SLC44A1: variants seen among roughly 807,000 people sequenced by gnomAD.
The protein encoded by SLC44A1 is choline transporter-like protein 1.
SLC44A1 carries 26 observed loss-of-function variants against 79.3 expected under a neutral mutation model. The observed-to-expected ratio is 0.33, with a 90% CI of 0.24 to 0.46. The LOEUF (loss-of-function observed/expected upper bound fraction) is 0.46, where lower values mean the gene tolerates loss of function less well. Ranked by LOEUF, SLC44A1 falls within the 20% of genes least tolerant of loss-of-function variation. The pLI, the probability that SLC44A1 is intolerant of heterozygous loss-of-function variation, is 1.00. For synonymous variants in SLC44A1, 263 were observed against 286.2 expected (o/e 0.92, Z 0.82); for missense variants, 688 against 798.1 (o/e 0.86, Z 1.66).
chr9:105,415,418 CTGCTGTATAAT>C lies in SLC44A1; in HGVS notation c.1951-22862_1951-22852del, dbSNP rs1237401605. On this transcript the variant is annotated intron_variant, in intron 15 of 15. Transcript: ENST00000374724. ...AAACCCCAACCCAGTCCAGAGGATT[CTGCTGTATAAT>C]AAACTTTGCTAACTATGGACACGCA... 4.5e-4 allele frequency among the ~76,000 whole-genome samples: 69 copies of C among 152,360 alleles called. 1 individual carries two copies. The highest frequency in any genetic ancestry group is 1.6e-3 in the African/African-American group (66 of 41,582).
rs371952170 is a variant in SLC44A1, at chr9:105,383,375, G to A, written c.1869+16G>A. On this transcript the variant is annotated intron_variant, in intron 14 of 15. Coordinates refer to ENST00000374720, the MANE Select transcript of SLC44A1 (RefSeq NM_080546.5). Reference sequence around the variant, plus strand: ...AGTGCTGATGGTAAGTACTTCAAATGCCGTTTCCTATTTTAGGGATAAAAA... The same window carrying A: ...AGTGCTGATGGTAAGTACTTCAAATACCGTTTCCTATTTTAGGGATAAAAA... 1.4e-5 allele frequency: 20 copies of A among 1,384,860 alleles called. No individual in the cohort carries two copies. Among genetic ancestry groups the A allele is most frequent in the East Asian group, 2.3e-5 (1 of 43,782 alleles). The allele number at this position is 1,384,860 out of a possible 1,614,324, so 85.8% of individuals were successfully genotyped here. A position where few individuals can be genotyped will look rare whatever the true frequency, so the allele number is the denominator to read the frequency against.
Position 105,393,557 on chromosome 9 carries a change from A to G in SLC44A1, c.*4501A>G. On this transcript the variant is annotated 3_prime_UTR_variant, in exon 16 of 16. Coordinates refer to ENST00000374720, the MANE Select transcript of SLC44A1 (RefSeq NM_080546.5). Reference sequence around the variant, plus strand: ...AAATCTTTGAAAATATCTTTCTTATAGAAAACTTTAATGCAGTTTTTAAAC... The same window carrying G: ...AAATCTTTGAAAATATCTTTCTTATGGAAAACTTTAATGCAGTTTTTAAAC... 1 of 924,310 alleles carries G rather than the reference A, an allele frequency of 1.1e-6. No homozygotes were observed. The highest frequency in any genetic ancestry group is 1.3e-6 in the Non-Finnish European group (1 of 774,358). 57.3% of individuals were successfully genotyped at this position (924,310 alleles called of 1,614,324 possible).
rs35765843 is a variant in SLC44A1 at position 105,392,956 on chromosome 9, TAAA to T, written c.*3908_*3910del. ...CTTTACTGCTTTTCTACTGCTACTT[TAAA>T]AAAAAAACAACAACAACAAATAAAA... On this transcript the variant is annotated 3_prime_UTR_variant, in exon 16 of 16. Coordinates refer to ENST00000374720, the MANE Select transcript of SLC44A1 (RefSeq NM_080546.5). 21,679 of 923,210 alleles carry T rather than the reference TAAA, an allele frequency of 0.023. 241 individuals are homozygous for T. Among genetic ancestry groups the T allele is most frequent in the Non-Finnish European group, 0.026 (20,210 of 775,524 alleles). The allele number at this position is 923,210 out of a possible 1,614,324, so 57.2% of individuals were successfully genotyped here. A position where few individuals can be genotyped will look rare whatever the true frequency, so the allele number is the denominator to read the frequency against.
At chr9:105,428,731 T>C (rs1001015958) in intron 15 of SLC44A1, among the ~76,000 whole-genome samples, 3 of 152,208 alleles carry the variant, frequency 2.0e-5, no homozygotes, top group African/African-American at 7.2e-5. Context: ...TGGAGTCTCG[T>C]TCCCATTGCG....
intron 1 of SLC44A1, among the ~76,000 whole-genome samples, chr9:105,298,135 T>G (rs1323345284): frequency 6.6e-6 from 1 of 152,034 alleles, no homozygotes; most frequent in Non-Finnish European, 1.5e-5. Flanking sequence ...CAGTTGGAAT[T>G]CCAGTCAATA....
At position 105,389,966 on chromosome 9, in the gene SLC44A1, T is replaced by C; in HGVS notation, c.*910T>C. ...ACATGGAACATAAAGCATTGAAAAT[T>C]CCGGTGCTTGGGCTTCGGCTTCAGA... is the stretch of plus-strand genomic sequence containing the variant. On this transcript the variant is annotated 3_prime_UTR_variant, in exon 16 of 16. Transcript: ENST00000374720. The C allele has an allele frequency of 6.8e-7, 1 of 1,476,710 alleles. No homozygotes were observed. Among genetic ancestry groups the C allele is most frequent in the South Asian group, 1.4e-5 (1 of 71,196 alleles). The allele number at this position is 1,476,710 out of a possible 1,614,324, so 91.5% of individuals were successfully genotyped here.
chr9:105,315,855 C>T (rs1430308209), intron 3 of SLC44A1, among the ~76,000 whole-genome samples: 1 of 152,172 alleles, frequency 6.6e-6, no homozygotes, highest in Non-Finnish European at 1.5e-5. Flanking sequence ...TTCTCTTCCT[C>T]GTGATGACTT....
Position 105,348,399 on chromosome 9 carries a change from A to T in SLC44A1, c.448A>T (p.Thr150Ser), listed in dbSNP as rs1827303642. ...CTACAACCTAAAGCCTTCTGAATAC[A>T]CTACATCTCCAAAATCTTCTGTTCT... ...CSYNLKPSEY[T>S]TSPKSSVLCP... Residue 150 changes from threonine (T) to serine (S), a missense_variant, in exon 5 of 16, where the codon ACT becomes TCT. Transcript: ENST00000374720. The T allele has an allele frequency of 2.5e-6, 4 of 1,612,212 alleles. No individual in the cohort carries two copies. The highest frequency in any genetic ancestry group is 1.3e-5 in the African/African-American group (1 of 74,990).
intron 1 of SLC44A1, among the ~76,000 whole-genome samples, chr9:105,285,401 C>T (rs1024801588): frequency 6.6e-6 from 1 of 152,148 alleles, no homozygotes; most frequent in African/African-American, 2.4e-5. Context: ...TAATAACATG[C>T]TATTCTTGGT....
At chr9:105,365,104 C>T (rs1292913525) in intron 10 of SLC44A1, among the ~76,000 whole-genome samples, 1 of 152,100 alleles carries the variant, frequency 6.6e-6, no homozygotes, top group African/African-American at 2.4e-5. Flanking sequence ...ACTTTAGAGC[C>T]AAATATGAAA....
At chr9:105,402,335 A>G (rs1290137776), downstream of SLC44A1, among the ~76,000 whole-genome samples, 2 of 152,210 alleles carry the variant, frequency 1.3e-5, no homozygotes, top group East Asian at 1.9e-4. Flanking sequence ...GAGAAATCCA[A>G]CAGGCTTGGT....
At chr9:105,406,055 T>A (rs1829025673) in intron 15 of SLC44A1, among the ~76,000 whole-genome samples, 1 of 152,146 alleles carries the variant, frequency 6.6e-6, no homozygotes, top group Non-Finnish European at 1.5e-5. Context: ...AGAGCAGAGT[T>A]GTAAACAGTC....
At chr9:105,259,227 T>C (rs972887679) in intron 1 of SLC44A1, among the ~76,000 whole-genome samples, 1 of 152,234 alleles carries the variant, frequency 6.6e-6, no homozygotes, top group African/African-American at 2.4e-5. Context: ...AGTTTACTAC[T>C]TGTTACTGTA....
intron 3 of SLC44A1, among the ~76,000 whole-genome samples, chr9:105,313,050 G>C (rs1367183285): frequency 6.6e-5 from 10 of 152,112 alleles, no homozygotes. Context: ...GTTCCTCAGT[G>C]TGATGTTCTT....
chr9:105,376,201 ACAGCTGATT>A (rs1439163356), intron 13 of SLC44A1, among the ~76,000 whole-genome samples: 2 of 152,046 alleles, frequency 1.3e-5, no homozygotes, highest in Non-Finnish European at 2.9e-5. Context: ...TCGGGTCTCT[ACAGCTGATT>A]CAGAATTCAC....
At chr9:105,398,980 C>T (rs924144421), downstream of SLC44A1, among the ~76,000 whole-genome samples, 3 of 152,152 alleles carry the variant, frequency 2.0e-5, no homozygotes, top group Admixed American at 1.3e-4. Flanking sequence ...AAAAAGTTTA[C>T]GAATTTGTGT....
chr9:105,284,389 C>G (rs547191192), intron 1 of SLC44A1, among the ~76,000 whole-genome samples: 11 of 152,192 alleles, frequency 7.2e-5, no homozygotes, highest in African/African-American at 2.6e-4. Flanking sequence ...CTTTCTGTAG[C>G]TGTGTTTATA....
intron 13 of SLC44A1, among the ~76,000 whole-genome samples, chr9:105,375,143 G>T (rs977042451): frequency 6.6e-6 from 1 of 152,222 alleles, no homozygotes; most frequent in Non-Finnish European, 1.5e-5. Context: ...CTGGGTTCAA[G>T]CAATTCTCCC....
intron 3 of SLC44A1, among the ~76,000 whole-genome samples, chr9:105,331,076 G>A (rs925687863): frequency 1.3e-5 from 2 of 152,048 alleles, no homozygotes; most frequent in Non-Finnish European, 1.5e-5. Context: ...CTCACTTTTG[G>A]TATTTTATTT....
Sources: gnomAD v4.1 joint callset for allele counts (sites outside exome capture counted in the v4.1 genomes callset) on GRCh38, gnomAD v4.1.1 for gene constraint, MANE v1.5 for transcripts, NCBI Gene and HGNC (gene_info 2026-07-23, HGNC 2026-07-21) for gene names.